The following THAP4 variants were observed in gnomAD, a reference collection of about 807,000 sequenced individuals.
The protein encoded by THAP4 is THAP domain containing 4, also known as peroxynitrite isomerase THAP4.
Under a neutral mutation model 48.1 loss-of-function variants are expected in THAP4, and 18 were observed. That is an observed-to-expected ratio of 0.37 (90% confidence interval 0.26 to 0.56). The LOEUF is 0.56. Ranked by LOEUF, THAP4 falls within the 20% of genes least tolerant of loss-of-function variation. The pLI, the probability that THAP4 is intolerant of heterozygous loss-of-function variation, is 0.78. For missense variants in THAP4, 656 were observed against 774.9 expected, an observed-to-expected ratio of 0.85 and a Z score of 1.82; for synonymous variants, 345 against 324.9, an observed-to-expected ratio of 1.06 and a Z score of -0.66.
upstream of THAP4, chr2:241,637,510 T>C: frequency 7.0e-7 from 1 of 1,437,144 alleles, no homozygotes; most frequent in East Asian, 2.9e-5. Flanking sequence ...CACGACCCCA[T>C]GCCGCCCGCA....
At chr2:241,615,797 C>A (rs531159864) in intron 2 of THAP4, among the ~76,000 whole-genome samples, 2 of 152,214 alleles carry the variant, frequency 1.3e-5, no homozygotes, top group African/African-American at 4.8e-5. Context: ...GGAGTGAGGA[C>A]GCCACTGGCA....
intron 5 of THAP4, among the ~76,000 whole-genome samples, chr2:241,587,316 C>G (rs193125305): frequency 4.6e-5 from 7 of 152,294 alleles, no homozygotes; most frequent in Admixed American, 3.9e-4. Context: ...CTTCCTCCCC[C>G]GTCCTTGGAC....
chr2:241,590,762 CTGA>C (rs1451445592), intron 5 of THAP4, among the ~76,000 whole-genome samples: 3 of 151,494 alleles, frequency 2.0e-5, no homozygotes, highest in Admixed American at 1.3e-4. Context: ...AACTGCCCGG[CTGA>C]TGATGAGGGG....
intron 2 of THAP4, among the ~76,000 whole-genome samples, chr2:241,607,793 C>A (rs1345852604): frequency 9.0e-6 from 1 of 111,350 alleles, no homozygotes; most frequent in African/African-American, 3.6e-5. Flanking sequence ...CAGGATCGGA[C>A]TGATGCCCAG....
At chr2:241,592,619 C>T (rs1247316754) in intron 5 of THAP4, among the ~76,000 whole-genome samples, 2 of 152,200 alleles carry the variant, frequency 1.3e-5, no homozygotes, top group Non-Finnish European at 2.9e-5. Flanking sequence ...CACGTCCCAT[C>T]CCAGCCTGAT....
Position 241,636,922 on chromosome 2 carries a change from C to T in THAP4, c.77+19G>A, listed in dbSNP as rs774081142. Reference sequence around the variant, plus strand: ...GGGCCGGGTCGGGGCGGGGGCGTGGCGGCCCGGGGCCCGCGTACCTGTGGA... The same window carrying T: ...GGGCCGGGTCGGGGCGGGGGCGTGGTGGCCCGGGGCCCGCGTACCTGTGGA... On this transcript the variant is annotated intron_variant, in intron 1 of 5. Coordinates refer to ENST00000407315, the MANE Select transcript of THAP4 (RefSeq NM_015963.6). 4.1e-6 allele frequency: 5 copies of T among 1,223,370 alleles called. No individual in the cohort carries two copies. The highest frequency in any genetic ancestry group is 2.9e-5 in the South Asian group (2 of 68,914). 75.8% of individuals were successfully genotyped at this position (1,223,370 alleles called of 1,614,324 possible).
Position 241,633,531 on chromosome 2 carries a change from C to A in THAP4, c.626G>T (p.Gly209Val). ...DESATSSIEG[G>V]VTDKSGISMD... ...AGAAATGCCACTCTTATCTGTCACG[C>A]CCCCTTCGATGGAGGAAGTGGCGCT... Residue 209 changes from glycine (G) to valine (V), a missense_variant, in exon 2 of 6, where the codon GGC becomes GTC. Coordinates refer to ENST00000407315, the MANE Select transcript of THAP4 (RefSeq NM_015963.6). This position sits in a 1 kb window ranked among gnomAD's most constrained non-coding sequence, Gnocchi z 7.5. The A allele has an allele frequency of 6.2e-7, 1 of 1,614,110 alleles. No individual in the cohort carries two copies. Among genetic ancestry groups the A allele is most frequent in the Middle Eastern group, 1.6e-4 (1 of 6,062 alleles).
chr2:241,636,024 C>T (rs1343636535), intron 1 of THAP4, among the ~76,000 whole-genome samples: 1 of 152,154 alleles, frequency 6.6e-6, no homozygotes, highest in African/African-American at 2.4e-5. Flanking sequence ...ACCGTTGCAA[C>T]ACGTTGCCTC....
In THAP4 at chr2:241,632,920, G is replaced by T; in HGVS notation, c.1237C>A (p.Arg413Ser). 1 of 1,596,136 alleles carries T rather than the reference G, an allele frequency of 6.3e-7. No homozygotes were observed. Among genetic ancestry groups the T allele is most frequent in the Non-Finnish European group, 8.5e-7 (1 of 1,170,544 alleles). The change falls in exon 2 of 6, where the codon CGC becomes AGC. Residue 413 changes from arginine to serine, a missense_variant. Transcript: ENST00000407315. ...TACGCGAGGCTCCGGTACTGACCGC[G>T]GCTGGGCGACAGCAGGCTACTTGGA... ...PYPSSLLSPS[R>S]EPPKMNPVVE...
chr2:241,620,636 AGTGAGTGAGGG>A (rs1179889819), intron 2 of THAP4, among the ~76,000 whole-genome samples: 1 of 139,724 alleles, frequency 7.2e-6, no homozygotes, highest in Non-Finnish European at 1.6e-5. Flanking sequence ...TGAGTGAGTC[AGTGAGTGAGGG>A]GTGAGTGAGT....
chr2:241,633,286 C>T lies in THAP4; in HGVS notation c.871G>A (p.Ala291Thr), dbSNP rs773148152. 40 of 1,611,708 alleles carry T rather than the reference C, an allele frequency of 2.5e-5. No individual in the cohort carries two copies. The highest frequency in any genetic ancestry group is 2.7e-5 in the African/African-American group (2 of 74,848). Reference sequence around the variant, plus strand: ...CTCTGGGAAGGCTTCTGCGGTGTCGCGGTAAGTGATGAGCTGGGAGGGCTC... The same window carrying T: ...CTCTGGGAAGGCTTCTGCGGTGTCGTGGTAAGTGATGAGCTGGGAGGGCTC... ...AQSPPSSSLTATPQKPSQSPS... is the reference protein window; with the variant it reads ...AQSPPSSSLTTTPQKPSQSPS... Residue 291 changes from alanine (A) to threonine (T), a missense_variant, in exon 2 of 6, where the codon GCG becomes ACG. This residue lies in a region of THAP4 where 391 missense variants were observed against 412.4 expected (regional missense o/e 0.95). Transcript: ENST00000407315. This position sits in a 1 kb window ranked among gnomAD's most constrained non-coding sequence, Gnocchi z 7.5.
upstream of THAP4, chr2:241,637,520 A>G (rs1276669995): frequency 8.4e-6 from 12 of 1,436,906 alleles, no homozygotes; most frequent in Non-Finnish European, 1.1e-5. Flanking sequence ...TGCCGCCCGC[A>G]GGGCGCCCCG....
At chr2:241,634,197 C>A in intron 1 of THAP4, 118 bp from the exon 2 acceptor site, 1 of 703,814 alleles carries the variant, frequency 1.4e-6, no homozygotes, top group East Asian at 2.9e-5. Context: ...TGACTTCATC[C>A]ACTTAAAAAA....
At chr2:241,636,018 T>C (rs1046146822) in intron 1 of THAP4, among the ~76,000 whole-genome samples, 1 of 152,198 alleles carries the variant, frequency 6.6e-6, no homozygotes, top group Non-Finnish European at 1.5e-5. Context: ...TGTTAGACCG[T>C]TGCAACACGT....
At chr2:241,635,301 G>A (rs982645691) in intron 1 of THAP4, among the ~76,000 whole-genome samples, 3 of 151,662 alleles carry the variant, frequency 2.0e-5, no homozygotes, top group East Asian at 3.9e-4. Context: ...AAGTTAGGAT[G>A]GTAAATTTCA....
At chr2:241,600,441 G>C (rs940585969) in intron 5 of THAP4, among the ~76,000 whole-genome samples, 1 of 151,808 alleles carries the variant, frequency 6.6e-6, no homozygotes, top group Non-Finnish European at 1.5e-5. Flanking sequence ...AGAAATGAAA[G>C]AACAGGCTGG....
intron 5 of THAP4, chr2:241,594,483 G>T (rs1019764447): frequency 1.6e-5 from 3 of 192,234 alleles, no homozygotes; most frequent in Admixed American, 5.2e-5. Context: ...CCAGCATCTT[G>T]GGAGGCCCAG....
chr2:241,600,975 T>TA (rs35094187), intron 5 of THAP4, among the ~76,000 whole-genome samples: 72 of 145,956 alleles, frequency 4.9e-4, no homozygotes, highest in Admixed American at 7.5e-4. Flanking sequence ...TACAAATCTT[T>TA]AAAAAAAAAA....
chr2:241,593,287 A>G (rs180918004), intron 5 of THAP4, among the ~76,000 whole-genome samples: 2 of 152,310 alleles, frequency 1.3e-5, no homozygotes, highest in Admixed American at 6.5e-5. Context: ...ATTAAAAAAA[A>G]CGGTAAAATG....
Sources: allele counts gnomAD v4.1 joint callset (sites outside exome capture counted in the v4.1 genomes callset), GRCh38; gene constraint gnomAD v4.1.1; regional missense constraint gnomAD v4.1.1; non-coding constraint Gnocchi (gnomAD v3.1); transcripts MANE v1.5; gene names NCBI Gene and HGNC (gene_info 2026-07-23, HGNC 2026-07-21).